KCNC4: variants seen among roughly 807,000 people sequenced by gnomAD.
KCNC4 encodes the protein voltage-gated potassium channel KCNC4.
In KCNC4, 23 loss-of-function variants were observed where a neutral mutation model predicts 42.8. That is an observed-to-expected ratio of 0.54 (90% CI 0.39 to 0.76). The LOEUF is 0.76. Among genes scored for constraint, KCNC4 ranks in the 30% least tolerant of loss-of-function variants. The pLI, the probability that KCNC4 is intolerant of heterozygous loss-of-function variation, is 0.00. For synonymous variants in KCNC4, 422 were observed against 393.5 expected (o/e 1.07, Z -0.86); for missense variants, 751 against 898.2 (o/e 0.84, Z 2.10).
rs1658193675 is a variant in KCNC4, at chr1:110,223,125, C to G, written c.840C>G (p.Ile280Met). 4 of 1,614,224 alleles carry G rather than the reference C, an allele frequency of 2.5e-6. No individual in the cohort carries two copies. The highest frequency in any genetic ancestry group is 3.4e-6 in the Non-Finnish European group (4 of 1,180,042). ...GGCGGGAGGTAGAGACAGAGCCCAT[C>G]CTGACCTACATCGAGGGCGTATGTG... The part of the protein sequence containing the change: ...HFRREVETEP[I>M]LTYIEGVCVL... Residue 280 changes from isoleucine to methionine, a missense_variant, in exon 2 of 4, where the codon ATC becomes ATG. Physicochemically the swap from Ile to Met is conservative, Grantham distance 10. Transcript: ENST00000438661. The surrounding 1 kb of genome is among the most constrained non-coding windows in gnomAD (Gnocchi z 7.5).
chr1:110,264,653 C>T (rs1362590782), intron 1 of KCNC4, among the ~76,000 whole-genome samples: 1 of 152,324 alleles, frequency 6.6e-6, no homozygotes, highest in South Asian at 2.1e-4. Context: ...TACCTTCCTG[C>T]TTACCAAGTT....
chr1:110,228,018 G>A (rs989509804), intron 3 of KCNC4, among the ~76,000 whole-genome samples: 1 of 152,150 alleles, frequency 6.6e-6, no homozygotes, highest in Non-Finnish European at 1.5e-5. Context: ...CCTTCGAGAG[G>A]GAACAGGTGG....
chr1:110,268,588 A>G, intron 1 of KCNC4, among the ~76,000 whole-genome samples: 1 of 136,102 alleles, frequency 7.3e-6, no homozygotes, highest in Non-Finnish European at 1.6e-5. Context: ...CCTGGGAGAC[A>G]GAGCAAGAGA....
In KCNC4 at chr1:110,211,998, G is replaced by A; in HGVS notation, c.499G>A (p.Gly167Ser). 6.2e-7 allele frequency: 1 copy of A among 1,607,142 alleles called. No individual in the cohort carries two copies. The highest frequency in any genetic ancestry group is 8.5e-7 in the Non-Finnish European group (1 of 1,177,910). The change falls in exon 1 of 4, where the codon GGC becomes AGC. Residue 167 changes from glycine to serine, a missense_variant. By Grantham distance (56) the Gly-to-Ser change is moderately conservative. Coordinates refer to ENST00000438661, the MANE Select transcript of KCNC4 (RefSeq NM_001039574.3). The surrounding 1 kb of genome is among the most constrained non-coding windows in gnomAD (Gnocchi z 6.5). ...CGACATCTTCGAGAGCCCGGACGGA[G>A]GCGGCAGCGGCGCGGGGCCCAGCGA... ...ALDIFESPDG[G>S]GSGAGPSDEA...
intron 1 of KCNC4, among the ~76,000 whole-genome samples, chr1:110,266,137 C>T (rs1170869054): frequency 1.3e-5 from 2 of 152,158 alleles, no homozygotes; most frequent in Non-Finnish European, 2.9e-5. Flanking sequence ...CCCGACAGCT[C>T]TGGAAATAGG....
In KCNC4 at chr1:110,267,490, A is replaced by G. The variant is rs145302843; in HGVS notation, n.31-15044A>G. 2.0e-3 allele frequency among the ~76,000 whole-genome samples: 310 copies of G among 152,100 alleles called. 1 individual carries two copies. Among genetic ancestry groups the G allele is most frequent in the Middle Eastern group, 3.4e-3 (1 of 294 alleles). On this transcript the variant is annotated intron_variant and non_coding_transcript_variant, in intron 1 of 2. Coordinates refer to the KCNC4 transcript ENST00000412512. ...GATAGCACCACTCCCCAATGCCTCC[A>G]CCGCCCACATGAACACACTCCTAAG...
intron 1 of KCNC4, among the ~76,000 whole-genome samples, chr1:110,256,198 C>T (rs1174692723): frequency 6.6e-6 from 1 of 152,176 alleles, no homozygotes; most frequent in African/African-American, 2.4e-5. Context: ...ATTCGACAAA[C>T]ATTTCCTGTG....
At chr1:110,228,869 G>A (rs935460820) in intron 3 of KCNC4, 2 of 152,248 alleles carry the variant, frequency 1.3e-5, no homozygotes, top group Admixed American at 6.5e-5. Flanking sequence ...CTTCCCAAAA[G>A]GTTCAGCTCT....
chr1:110,282,140 T>G (rs1659839866), intron 1 of KCNC4, among the ~76,000 whole-genome samples: 1 of 152,356 alleles, frequency 6.6e-6, no homozygotes, highest in Non-Finnish European at 1.5e-5. Context: ...CCACTGTTAA[T>G]GCCTTCCGCT....
At chr1:110,272,918 AT>A (rs1205735495) in intron 1 of KCNC4, among the ~76,000 whole-genome samples, 1 of 152,174 alleles carries the variant, frequency 6.6e-6, no homozygotes, top group Non-Finnish European at 1.5e-5. Context: ...ATTTATCTAA[AT>A]GTAATCTGAT....
Position 110,226,108 on chromosome 1 carries a change from CAAG to C in KCNC4, c.1753_1755del (p.Lys585del), listed in dbSNP as rs755140783. On this transcript the variant is annotated inframe_deletion, in exon 3 of 4. Transcript: ENST00000438661. ...GACGCTCCACCACTCGAGACAGAAA[CAAG>C]AAGGCAGCTGCCTGCTTCCTGCTCA... is the stretch of plus-strand genomic sequence containing the variant. The C allele has an allele frequency of 6.2e-7, 1 of 1,614,050 alleles. No individual in the cohort carries two copies. Among genetic ancestry groups the C allele is most frequent in the African/African-American group, 1.3e-5 (1 of 74,924 alleles).
At chr1:110,268,610 GAAAAAAAAAAAA>G (rs1177241176) in intron 1 of KCNC4, among the ~76,000 whole-genome samples, 1 of 82,072 alleles carries the variant, frequency 1.2e-5, no homozygotes, top group Non-Finnish European at 2.4e-5. Flanking sequence ...TGTCTCAAAA[GAAAAAAAAAAAA>G]AAAAAGAAAA....
intron 3 of KCNC4, among the ~76,000 whole-genome samples, chr1:110,227,112 A>G (rs1181375382): frequency 6.6e-6 from 1 of 152,192 alleles, no homozygotes; most frequent in African/African-American, 2.4e-5. Flanking sequence ...CCTCCAAAAC[A>G]GAGCTCTTCC....
chr1:110,220,854 G>A (rs1658059098), intron 1 of KCNC4: 1 of 152,208 alleles, frequency 6.6e-6, no homozygotes, highest in Admixed American at 6.5e-5. Flanking sequence ...GGAAGAATGA[G>A]GCTAGAAAAG....
chr1:110,212,319 C>T, intron 1 of KCNC4, 142 bp downstream of exon 1: 6 of 895,368 alleles, frequency 6.7e-6, no homozygotes, highest in Non-Finnish European at 9.1e-6. Context: ...CTCAACCCCC[C>T]TCCGTGGCTC....
chr1:110,266,945 G>A (rs1480100066), intron 1 of KCNC4, among the ~76,000 whole-genome samples: 1 of 151,986 alleles, frequency 6.6e-6, no homozygotes, highest in Non-Finnish European at 1.5e-5. Flanking sequence ...TCTCACTTTG[G>A]CTTGCAGGGC....
At chr1:110,216,702 G>C (rs890798493) in intron 1 of KCNC4, among the ~76,000 whole-genome samples, 9 of 152,174 alleles carry the variant, frequency 5.9e-5, no homozygotes, top group Non-Finnish European at 1.2e-4. Flanking sequence ...GGCAGTGTCA[G>C]CCTGGGATGC....
chr1:110,239,021 T>A (rs1302886771), downstream of KCNC4: 3 of 152,238 alleles, frequency 2.0e-5, no homozygotes, highest in African/African-American at 7.2e-5. Flanking sequence ...CTGGGTCCCA[T>A]CTGCCCTTCT....
intron 3 of KCNC4, among the ~76,000 whole-genome samples, chr1:110,226,605 G>C (rs1317904564): frequency 6.6e-6 from 1 of 152,140 alleles, no homozygotes; most frequent in Non-Finnish European, 1.5e-5. Context: ...TGCCAACAAC[G>C]TTCAAGAGTC....
Sources: allele counts gnomAD v4.1 joint callset (sites outside exome capture counted in the v4.1 genomes callset), GRCh38; gene constraint gnomAD v4.1.1; non-coding constraint Gnocchi (gnomAD v3.1); transcripts MANE v1.5; gene names NCBI Gene and HGNC (gene_info 2026-07-23, HGNC 2026-07-21).